The following TENM3 variants were observed in gnomAD, a reference collection of about 807,000 sequenced individuals.
The protein encoded by TENM3 is teneurin transmembrane protein 3.
In TENM3, 63 loss-of-function variants were observed where a neutral mutation model predicts 255.1. That is an observed-to-expected ratio of 0.25 (90% CI 0.20 to 0.30). The LOEUF (loss-of-function observed/expected upper bound fraction) is 0.30. TENM3 is among the 10% of genes least tolerant of loss of function. TENM3 has a pLI of 1.00. For synonymous variants in TENM3, 1,306 were observed against 1,322.3 expected, an observed-to-expected ratio of 0.99 and a Z score of 0.27; for missense variants, 2,929 against 3,461.1, an observed-to-expected ratio of 0.85 and a Z score of 3.86.
chr4:181,767,460 C>G, the TENM3 span, among the ~76,000 whole-genome samples: 1 of 151,950 alleles, frequency 6.6e-6, no homozygotes, highest in Non-Finnish European at 1.5e-5. Flanking sequence ...AAGCTGGAAT[C>G]AAACGAGGTC....
chr4:182,002,155 T>C, the TENM3 span, among the ~76,000 whole-genome samples: 2 of 152,116 alleles, frequency 1.3e-5, no homozygotes, highest in Non-Finnish European at 2.9e-5. Flanking sequence ...CCCATTTATA[T>C]TAGATCTCTG....
intron 1 of TENM3, among the ~76,000 whole-genome samples, chr4:182,162,117 C>T (rs1459232181): frequency 2.6e-5 from 4 of 151,564 alleles, no homozygotes; most frequent in Non-Finnish European, 2.9e-5. Flanking sequence ...CTCATGGGCT[C>T]AAGCAGTCCT....
the TENM3 span, among the ~76,000 whole-genome samples, chr4:181,804,957 T>A: frequency 6.6e-6 from 1 of 152,070 alleles, no homozygotes; most frequent in Non-Finnish European, 1.5e-5. Flanking sequence ...CTCTGCTGGA[T>A]TTTTGTCTCT....
the TENM3 span, among the ~76,000 whole-genome samples, chr4:182,001,892 G>A: frequency 6.6e-6 from 1 of 152,074 alleles, no homozygotes; most frequent in African/African-American, 2.4e-5. Context: ...AGATCAAGTT[G>A]ATTGGTTCAA....
chr4:181,576,992 TTA>T, the TENM3 span, among the ~76,000 whole-genome samples: 1 of 131,646 alleles, frequency 7.6e-6, no homozygotes, highest in African/African-American at 2.9e-5. Context: ...ATTATATATA[TTA>T]TATATATAAT....
the TENM3 span, among the ~76,000 whole-genome samples, chr4:181,539,530 T>C: frequency 6.6e-5 from 10 of 152,204 alleles, no homozygotes; most frequent in African/African-American, 2.4e-4. Context: ...TTAATACGTT[T>C]ATTCCTCTAA....
At chr4:182,574,346 G>A (rs1030770178) in intron 3 of TENM3, among the ~76,000 whole-genome samples, 2 of 151,942 alleles carry the variant, frequency 1.3e-5, no homozygotes, top group Non-Finnish European at 1.5e-5. Context: ...ATTCCAGAAA[G>A]GATACTCATA....
In TENM3 at chr4:182,755,083, C is replaced by A. The variant is rs760080333; in HGVS notation, c.4716C>A (p.Arg1572=). The change falls in exon 22 of 28, where the codon CGC becomes CGA. Residue 1572 remains arginine (R), a synonymous_variant. Transcript: ENST00000511685. ...NTLRIRRDPN[R]MPVRVVSPDN... ...TTAGAATTAGACGGGACCCAAATCG[C>A]ATGCCAGTTCGAGTGGTGTCTCCTG... The A allele has an allele frequency of 6.2e-7, 1 of 1,613,872 alleles. No individual in the cohort carries two copies. The highest frequency in any genetic ancestry group is 8.5e-7 in the Non-Finnish European group (1 of 1,179,904).
At chr4:182,526,763 G>A (rs567628464) in intron 3 of TENM3, among the ~76,000 whole-genome samples, 11 of 152,248 alleles carry the variant, frequency 7.2e-5, no homozygotes, top group African/African-American at 1.9e-4. Context: ...ACTTGCTAAC[G>A]GATTTAGCAT....
At chr4:182,345,366 A>G (rs1173887922) in intron 2 of TENM3, among the ~76,000 whole-genome samples, 2 of 152,258 alleles carry the variant, frequency 1.3e-5, no homozygotes, top group African/African-American at 4.8e-5. Flanking sequence ...TTCAAAAAAT[A>G]TAATGTATGT....
At chr4:181,968,978 C>G in the TENM3 span, among the ~76,000 whole-genome samples, 1 of 141,136 alleles carries the variant, frequency 7.1e-6, no homozygotes, top group Admixed American at 6.9e-5. Flanking sequence ...CTCTCTCTCT[C>G]TCTCTCTCTC....
At chr4:182,670,038 T>C (rs376059346) in intron 6 of TENM3, among the ~76,000 whole-genome samples, 3 of 152,290 alleles carry the variant, frequency 2.0e-5, no homozygotes, top group East Asian at 3.9e-4. Flanking sequence ...AAAGTAGAAA[T>C]TGGTCTCAGA....
chr4:182,157,561 C>G (rs543725018), intron 1 of TENM3, among the ~76,000 whole-genome samples: 1 of 152,216 alleles, frequency 6.6e-6, no homozygotes, highest in African/African-American at 2.4e-5. Flanking sequence ...TAGCTCCTCT[C>G]CACAAAAGGT....
chr4:182,418,781 TTGAACCCC>T (rs758962333), intron 3 of TENM3, among the ~76,000 whole-genome samples: 1 of 152,138 alleles, frequency 6.6e-6, no homozygotes, highest in African/African-American at 2.4e-5. Context: ...CAGGCTGGTC[TTGAACCCC>T]TGGGCTCAAG....
chr4:182,453,407 A>G (rs1773625829), intron 3 of TENM3, among the ~76,000 whole-genome samples: 1 of 152,216 alleles, frequency 6.6e-6, no homozygotes, highest in Non-Finnish European at 1.5e-5. Flanking sequence ...TTGGGAAACG[A>G]CATACTATAG....
At chr4:182,327,431 G>A (rs567512945) in intron 2 of TENM3, among the ~76,000 whole-genome samples, 1 of 152,296 alleles carries the variant, frequency 6.6e-6, no homozygotes, top group African/African-American at 2.4e-5. Context: ...TTCCGTTGGT[G>A]CGATTATATG....
chr4:182,113,014 C>A, the TENM3 span, among the ~76,000 whole-genome samples: 1 of 152,152 alleles, frequency 6.6e-6, no homozygotes, highest in African/African-American at 2.4e-5. Context: ...TCCTCATCTG[C>A]AGATTATAAA....
the TENM3 span, among the ~76,000 whole-genome samples, chr4:181,567,963 G>A: frequency 3.3e-4 from 50 of 151,976 alleles, no homozygotes; most frequent in Admixed American, 3.3e-4. Flanking sequence ...TGTCAGAGAC[G>A]TGCTTTCTAA....
the TENM3 span, among the ~76,000 whole-genome samples, chr4:181,727,482 C>A: frequency 2.0e-5 from 3 of 151,934 alleles, no homozygotes; most frequent in South Asian, 4.2e-4. Flanking sequence ...TGGACAAAAC[C>A]CAAAATATAT....
Sources: allele counts gnomAD v4.1 joint callset (sites outside exome capture counted in the v4.1 genomes callset), GRCh38; gene constraint gnomAD v4.1.1; transcripts MANE v1.5; gene names NCBI Gene and HGNC (gene_info 2026-07-23, HGNC 2026-07-21).